The following TRIM37 variants were observed in gnomAD, a reference collection of about 807,000 sequenced individuals.
TRIM37 encodes tripartite motif containing 37.
TRIM37 carries 80 observed loss-of-function variants against 129.8 expected under a neutral mutation model. The ratio of observed to expected loss-of-function variants is 0.62; its 90% CI spans 0.51 to 0.74. The LOEUF (loss-of-function observed/expected upper bound fraction) is 0.74, where lower values mean the gene tolerates loss of function less well. TRIM37 is among the 30% of genes least tolerant of loss of function. TRIM37 has a pLI of 0.00. For missense variants in TRIM37, 1,054 were observed against 1,176.5 expected (o/e 0.90, Z 1.52); for synonymous variants, 389 against 387.1 (o/e 1.00, Z -0.06).
rs112918162 is a variant in TRIM37, at chr17:58,998,399, TG to T, written c.*977del. ...CAATAGTCTCTTAGTCAACTTTCAG[TG>T]TAATTTCCACAAATATATAGCAGCT... On this transcript the variant is annotated 3_prime_UTR_variant, in exon 24 of 24. Coordinates refer to ENST00000262294, the MANE Select transcript of TRIM37 (RefSeq NM_015294.6). 2,166 of 985,434 alleles carry T rather than the reference TG, an allele frequency of 2.2e-3. 39 individuals are homozygous for T. The African/African-American group carries it at 0.032, about 15-fold the overall frequency. 61.0% of individuals were successfully genotyped at this position (985,434 alleles called of 1,614,324 possible).
chr17:59,076,698 GA>G (rs1171462217), intron 7 of TRIM37, among the ~76,000 whole-genome samples: 6 of 152,208 alleles, frequency 3.9e-5, no homozygotes, highest in African/African-American at 1.4e-4. Flanking sequence ...TGAAAAACTG[GA>G]AGTACATCCA....
At chr17:59,106,357 G>A in intron 1 of TRIM37, 84 bp downstream of exon 1, 1 of 1,554,962 alleles carries the variant, frequency 6.4e-7, no homozygotes, top group Non-Finnish European at 8.8e-7. Context: ...CCTACTGGAG[G>A]GAGGACATGG....
In TRIM37 at chr17:58,999,300, G is replaced by A; in HGVS notation, c.*77C>T. The A allele has an allele frequency of 6.2e-7, 1 of 1,610,642 alleles. No homozygotes were observed. The highest frequency in any genetic ancestry group is 8.5e-7 in the Non-Finnish European group (1 of 1,178,508). On this transcript the variant is annotated 3_prime_UTR_variant, in exon 24 of 24. Transcript: ENST00000262294. ...TAAGACCAAATCTGATTATCTGACT[G>A]ATGACAAATTTGAGCACCAACTACA...
chr17:59,089,417 T>C (rs1474350077), intron 3 of TRIM37, among the ~76,000 whole-genome samples: 2 of 151,982 alleles, frequency 1.3e-5, no homozygotes, highest in African/African-American at 2.4e-5. Flanking sequence ...CCACAGCGGG[T>C]GGATCACAAG....
At chr17:59,042,452 AT>A (rs1261393173) in intron 16 of TRIM37, among the ~76,000 whole-genome samples, 97 of 47,198 alleles carry the variant, frequency 2.1e-3, no homozygotes, top group African/African-American at 6.6e-3. Flanking sequence ...AAAAAAAAAT[AT>A]ATATATATAT....
Position 59,079,849 on chromosome 17 carries a change from G to A in TRIM37, c.521C>T (p.Ala174Val), listed in dbSNP as rs1460062433. 1.9e-6 allele frequency: 3 copies of A among 1,613,810 alleles called. No homozygotes were observed. The highest frequency in any genetic ancestry group is 3.3e-5 in the Admixed American group (2 of 59,984). Residue 174 changes from alanine to valine, a missense_variant, in exon 7 of 24, where the codon GCA becomes GTA. Physicochemically the swap from Ala to Val is moderately conservative, Grantham distance 64. Transcript: ENST00000262294. ...AATTTCCCGAACACGCTCATCTTTT[G>A]CATTTCTTACAGCTTCTACATTCCT... is the stretch of plus-strand genomic sequence containing the variant. Reference protein sequence around the residue: ...VERNVEAVRNAKDERVREIRN... With the variant: ...VERNVEAVRNVKDERVREIRN...
chr17:59,106,048 G>A (rs1367510699), intron 1 of TRIM37, among the ~76,000 whole-genome samples: 1 of 152,228 alleles, frequency 6.6e-6, no homozygotes. Context: ...CACTGAGAGG[G>A]AAAGATGACT....
intron 23 of TRIM37, among the ~76,000 whole-genome samples, chr17:59,000,447 A>G (rs1441950000): frequency 6.6e-6 from 1 of 152,188 alleles, no homozygotes; most frequent in Non-Finnish European, 1.5e-5. Flanking sequence ...TAAAAATTAC[A>G]AAAACTAGCT....
chr17:59,056,703 G>A (rs567709073), intron 13 of TRIM37, among the ~76,000 whole-genome samples, 172 bp downstream of exon 13: 4 of 71,166 alleles, frequency 5.6e-5, no homozygotes, highest in African/African-American at 9.3e-5. Flanking sequence ...GCGACAGAGC[G>A]AGACTATGTC....
intron 3 of TRIM37, among the ~76,000 whole-genome samples, chr17:59,090,246 T>G (rs1041878564): frequency 2.6e-5 from 4 of 152,194 alleles, no homozygotes; most frequent in Non-Finnish European, 5.9e-5. Context: ...TAAAACTGAT[T>G]ATCAGTCACT....
chr17:59,084,669 C>G (rs1184184269), intron 4 of TRIM37, among the ~76,000 whole-genome samples: 1 of 152,046 alleles, frequency 6.6e-6, no homozygotes, highest in Non-Finnish European at 1.5e-5. Context: ...GCCTTAACCC[C>G]CAGTGTGAAT....
chr17:59,081,964 A>AAAAAAAAAAT (rs1568200247), intron 5 of TRIM37, among the ~76,000 whole-genome samples: 2 of 87,224 alleles, frequency 2.3e-5, no homozygotes, highest in African/African-American at 1.0e-4. Flanking sequence ...AAAAAAAAAA[A>AAAAAAAAAAT]AATAATAATA....
chr17:59,018,292 C>G lies in TRIM37; in HGVS notation c.2258-868G>C, dbSNP rs1190279253. On this transcript the variant is annotated intron_variant, in intron 19 of 23. Transcript: ENST00000262294. ...GGGCCCTGCCCTTGAATTCAGCCTG[C>G]AGAACTGTGAGTTAAATAAATCTCT... 3.3e-5 allele frequency among the ~76,000 whole-genome samples: 5 copies of G among 151,570 alleles called. No individual in the cohort carries two copies. In the East Asian group the frequency reaches 9.7e-4, roughly 29 times the overall value.
intron 2 of TRIM37, among the ~76,000 whole-genome samples, chr17:59,096,129 A>C (rs2044832919): frequency 6.6e-6 from 1 of 152,222 alleles, no homozygotes; most frequent in South Asian, 2.1e-4. Context: ...TCATTTCCAA[A>C]AACCTGTAAG....
At position 59,081,964 on chromosome 17, in the gene TRIM37, A is replaced by AAT. The variant is rs1555688978; in HGVS notation, c.370-746_370-745insAT. ...AAAAAAAAAAAAAATAAAAAAAAAA[A>AAT]AATAATAATAATAATAATAATAATG... On this transcript the variant is annotated intron_variant, in intron 5 of 23. Coordinates refer to ENST00000262294, the MANE Select transcript of TRIM37 (RefSeq NM_015294.6). 9.4e-4 allele frequency among the ~76,000 whole-genome samples: 82 copies of AAT among 87,164 alleles called. No homozygotes were observed. The East Asian group carries it at 0.013, about 14-fold the overall frequency. The allele number at this position is 87,164 out of a possible 152,430, so 57.2% of individuals were successfully genotyped here.
At chr17:59,083,972 TAAAA>T in intron 5 of TRIM37, 26 bp downstream of exon 5, 1 of 1,579,628 alleles carries the variant, frequency 6.3e-7, no homozygotes, top group Non-Finnish European at 8.7e-7. Flanking sequence ...GCCTCTAACT[TAAAA>T]AAAATACTGA....
rs138696814 is a variant in TRIM37 at position 59,018,929 on chromosome 17, T to C, written c.2258-1505A>G. On this transcript the variant is annotated intron_variant, in intron 19 of 23. Coordinates refer to ENST00000262294, the MANE Select transcript of TRIM37 (RefSeq NM_015294.6). ...TTGAGAGTCTAGAAACAAACCCTTA[T>C]ATTTATGGTCCACTGATTTTTGACA... Among the ~76,000 whole-genome samples the C allele has an allele frequency of 8.7e-4, 132 of 152,246 alleles. No individual in the cohort carries two copies. The Middle Eastern group carries it at 0.01, about 12-fold the overall frequency.
chr17:59,000,932 C>G (rs913647589), intron 23 of TRIM37, among the ~76,000 whole-genome samples: 3 of 152,002 alleles, frequency 2.0e-5, no homozygotes, highest in Non-Finnish European at 4.4e-5. Flanking sequence ...CGGTGGCTCA[C>G]GCCTGTAATA....
intron 22 of TRIM37, among the ~76,000 whole-genome samples, chr17:59,011,983 A>C (rs2035310692): frequency 2.0e-5 from 3 of 152,188 alleles, no homozygotes; most frequent in Admixed American, 2.0e-4. Context: ...TAACATATTT[A>C]TTGACCGAAC....
Sources: allele counts gnomAD v4.1 joint callset (sites outside exome capture counted in the v4.1 genomes callset), GRCh38; gene constraint gnomAD v4.1.1; transcripts MANE v1.5; gene names NCBI Gene and HGNC (gene_info 2026-07-23, HGNC 2026-07-21).